TSPAN5: variants seen among roughly 807,000 people sequenced by gnomAD.
TSPAN5 encodes tetraspanin-5.
TSPAN5 carries 10 observed loss-of-function variants against 37.1 expected under a neutral mutation model. The observed-to-expected ratio is 0.27, with a 90% confidence interval of 0.17 to 0.46. TSPAN5 has a LOEUF of 0.46. Ranked by LOEUF, TSPAN5 falls within the 20% of genes least tolerant of loss-of-function variation. The probability of loss-of-function intolerance (pLI) is 1.00; values close to 1 mark genes in which losing one functional copy is unlikely to be tolerated. For synonymous variants in TSPAN5, 110 were observed against 118.9 expected (o/e 0.93, Z 0.48); for missense variants, 195 against 326.6 (o/e 0.60, Z 3.11).
At chr4:98,615,079 T>G (rs1756291223) in intron 1 of TSPAN5, among the ~76,000 whole-genome samples, 1 of 152,204 alleles carries the variant, frequency 6.6e-6, no homozygotes, top group Non-Finnish European at 1.5e-5. Context: ...AACCCCCCAG[T>G]GCTGCCTTGG....
intron 1 of TSPAN5, among the ~76,000 whole-genome samples, chr4:98,635,160 T>C (rs1185657705): frequency 1.3e-5 from 2 of 152,240 alleles, no homozygotes; most frequent in Non-Finnish European, 2.9e-5. Flanking sequence ...AATTTTACAG[T>C]TAACGAAGCA....
At chr4:98,655,302 T>C (rs1296119869) in intron 1 of TSPAN5, among the ~76,000 whole-genome samples, 1 of 152,240 alleles carries the variant, frequency 6.6e-6, no homozygotes, top group Non-Finnish European at 1.5e-5. Flanking sequence ...ATACTACTTC[T>C]GTTATAAATT....
intron 1 of TSPAN5, among the ~76,000 whole-genome samples, chr4:98,610,508 T>C (rs1311837658): frequency 6.6e-6 from 1 of 152,216 alleles, no homozygotes; most frequent in African/African-American, 2.4e-5. Flanking sequence ...TTCAAAATTA[T>C]CTACATAAGT....
rs1752564301 is a variant in TSPAN5 at position 98,470,795 on chromosome 4, CTCTGAGCAG to C, written c.*1718_*1726del. 1 of 152,266 alleles carries C rather than the reference CTCTGAGCAG, an allele frequency of 6.6e-6. No individual in the cohort carries two copies. The highest frequency in any genetic ancestry group is 1.5e-5 in the Non-Finnish European group (1 of 68,062). The allele number at this position is 152,266 out of a possible 1,614,324, so 9.4% of individuals were successfully genotyped here. A position where few individuals can be genotyped will look rare whatever the true frequency, so the allele number is the denominator to read the frequency against. Reference sequence around the variant, plus strand: ...GAAAATAATTTCCTTTTTGTCCTTTCTCTGAGCAGACTGACACATTCATCGGCCACCACC... The same window carrying C: ...GAAAATAATTTCCTTTTTGTCCTTTCACTGACACATTCATCGGCCACCACC... On this transcript the variant is annotated 3_prime_UTR_variant, in exon 8 of 8. Transcript: ENST00000305798.
In TSPAN5 at chr4:98,569,347, G is replaced by T. The variant is rs531978148; in HGVS notation, c.82-61619C>A. 5.9e-5 allele frequency among the ~76,000 whole-genome samples: 9 copies of T among 152,308 alleles called. No homozygotes were observed. In the South Asian group the frequency reaches 1.9e-3, roughly 32 times the overall value. ...TAACACGATGGAGAGATTAGCTCTGGCTAGGCTCATAAAATCAGTTTCTAA... is the reference window on the plus strand; with the variant it reads ...TAACACGATGGAGAGATTAGCTCTGTCTAGGCTCATAAAATCAGTTTCTAA... On this transcript the variant is annotated intron_variant, in intron 1 of 7. Coordinates refer to ENST00000305798, the MANE Select transcript of TSPAN5 (RefSeq NM_005723.4).
intron 1 of TSPAN5, among the ~76,000 whole-genome samples, chr4:98,571,311 C>T (rs1023667539): frequency 2.0e-5 from 3 of 151,618 alleles, no homozygotes; most frequent in Admixed American, 6.6e-5. Context: ...CACGGGGGAG[C>T]GCAGAAGGGG....
At chr4:98,533,952 A>AAAAACAACAAC (rs923554198) in intron 1 of TSPAN5, among the ~76,000 whole-genome samples, 23 of 144,730 alleles carry the variant, frequency 1.6e-4, no homozygotes, top group Non-Finnish European at 3.2e-4. Context: ...AAAAAAAAAA[A>AAAAACAACAAC]AAAAAAAAAA....
At chr4:98,588,565 C>T (rs1172718662) in intron 1 of TSPAN5, among the ~76,000 whole-genome samples, 1 of 152,106 alleles carries the variant, frequency 6.6e-6, no homozygotes, top group Non-Finnish European at 1.5e-5. Context: ...ATTATTTCCA[C>T]TCATTATTGT....
chr4:98,649,122 C>T (rs1316548868), intron 1 of TSPAN5, among the ~76,000 whole-genome samples: 1 of 152,146 alleles, frequency 6.6e-6, no homozygotes, highest in Admixed American at 6.5e-5. Flanking sequence ...TCAAAGACAT[C>T]TAAAGGCTAG....
rs542460051 is a variant in TSPAN5, at chr4:98,473,360, C to G, written c.742-773G>C. ...CTTGTTATTGTCTGTCTTTTTTATT[C>G]TAACCGCTTTAACGAGTATGAAATA... On this transcript the variant is annotated intron_variant, in intron 7 of 7. Transcript: ENST00000305798. Among the ~76,000 whole-genome samples the G allele has an allele frequency of 9.2e-5, 14 of 152,168 alleles. No homozygotes were observed. The South Asian group carries it at 2.3e-3, about 25-fold the overall frequency.
intron 7 of TSPAN5, among the ~76,000 whole-genome samples, chr4:98,475,832 A>G (rs1214994411): frequency 1.3e-5 from 2 of 152,070 alleles, no homozygotes; most frequent in African/African-American, 4.8e-5. Flanking sequence ...TATTAAAAAT[A>G]CAAAAAAATT....
intron 2 of TSPAN5, among the ~76,000 whole-genome samples, chr4:98,490,380 T>C (rs752086564): frequency 1.3e-5 from 2 of 152,230 alleles, no homozygotes; most frequent in African/African-American, 2.4e-5. Context: ...ATTTGGAGGA[T>C]AAAAATTGGC....
intron 1 of TSPAN5, among the ~76,000 whole-genome samples, chr4:98,620,632 T>G (rs1167124719): frequency 1.3e-5 from 2 of 152,158 alleles, no homozygotes; most frequent in Non-Finnish European, 2.9e-5. Context: ...TCCATGAAAG[T>G]AGCATTAGGG....
intron 1 of TSPAN5, among the ~76,000 whole-genome samples, chr4:98,640,903 T>C (rs1268617235): frequency 6.6e-6 from 1 of 152,136 alleles, no homozygotes; most frequent in Non-Finnish European, 1.5e-5. Context: ...TGGATGTACA[T>C]CATCTCATGG....
chr4:98,529,721 C>A (rs372324975), intron 1 of TSPAN5, among the ~76,000 whole-genome samples: 1 of 152,214 alleles, frequency 6.6e-6, no homozygotes. Context: ...TTTCTCCTCA[C>A]TGCGTCTCAG....
At chr4:98,598,857 G>A (rs1205672816) in intron 1 of TSPAN5, among the ~76,000 whole-genome samples, 1 of 152,120 alleles carries the variant, frequency 6.6e-6, no homozygotes, top group Non-Finnish European at 1.5e-5. Flanking sequence ...AGGAACTTCA[G>A]AGTTATTGAA....
intron 1 of TSPAN5, among the ~76,000 whole-genome samples, chr4:98,630,061 G>C (rs1292092438): frequency 6.6e-6 from 1 of 152,152 alleles, no homozygotes; most frequent in Non-Finnish European, 1.5e-5. Context: ...CATTTGGTGT[G>C]GTCAGAGATG....
chr4:98,543,235 C>T (rs1754398334), intron 1 of TSPAN5, among the ~76,000 whole-genome samples: 1 of 152,116 alleles, frequency 6.6e-6, no homozygotes, highest in African/African-American at 2.4e-5. Context: ...TTTAGTTTGG[C>T]AACAGCGTTT....
At chr4:98,646,466 G>A (rs1403670660) in intron 1 of TSPAN5, among the ~76,000 whole-genome samples, 1 of 151,970 alleles carries the variant, frequency 6.6e-6, no homozygotes, top group Non-Finnish European at 1.5e-5. Flanking sequence ...ACCCCACCCA[G>A]GTGTTAGGCC....
Sources: gnomAD v4.1 joint callset for allele counts (sites outside exome capture counted in the v4.1 genomes callset) on GRCh38, gnomAD v4.1.1 for gene constraint, MANE v1.5 for transcripts, NCBI Gene and HGNC (gene_info 2026-07-23, HGNC 2026-07-21) for gene names.